Variants in AOPEP observed in about 807,000 individuals in gnomAD.
AOPEP encodes the protein aminopeptidase O (putative).
Under a neutral mutation model 98.1 loss-of-function variants are expected in AOPEP, and 77 were observed. The ratio of observed to expected loss-of-function variants is 0.78; its 90% CI spans 0.65 to 0.95. The LOEUF is 0.95. Among genes scored for constraint, AOPEP ranks in the 40% least tolerant of loss-of-function variants. AOPEP has a pLI of 0.00. For missense variants in AOPEP, 1,024 were observed against 1,024.7 expected (o/e 1.00, Z 0.01); for synonymous variants, 346 against 365.3 (o/e 0.95, Z 0.60).
At chr9:94,815,819 C>T (rs1188476782) in intron 5 of AOPEP, among the ~76,000 whole-genome samples, 3 of 152,130 alleles carry the variant, frequency 2.0e-5, no homozygotes, top group Non-Finnish European at 2.9e-5. Flanking sequence ...TGCCATCTAT[C>T]CCATTGTTTG....
the AOPEP span, chr9:95,114,663 G>A: frequency 6.2e-7 from 1 of 1,614,206 alleles, no homozygotes; most frequent in Non-Finnish European, 8.5e-7. Context: ...TCTCTGAGCA[G>A]TTCAGAAATA....
At chr9:94,966,627 CAA>C (rs927099777) in intron 9 of AOPEP, among the ~76,000 whole-genome samples, 1 of 152,092 alleles carries the variant, frequency 6.6e-6, no homozygotes, top group African/African-American at 2.4e-5. Context: ...CCAAAGTATA[CAA>C]AGTATATCTT....
chr9:94,823,634 C>G lies in AOPEP; in HGVS notation c.1364+22632C>G, dbSNP rs1853770130. Among the ~76,000 whole-genome samples, 5 of 152,262 alleles carry G rather than the reference C, an allele frequency of 3.3e-5. No individual in the cohort carries two copies. The South Asian group carries it at 1.0e-3, about 32-fold the overall frequency. On this transcript the variant is annotated intron_variant, in intron 5 of 16. Coordinates refer to ENST00000375315, the MANE Select transcript of AOPEP (RefSeq NM_001193329.3). ...TCCTTCACACTTACCTTGGCTCTTC[C>G]CCGGGTTCCCACACCAGGCTGAGTG... is the stretch of plus-strand genomic sequence containing the variant.
chr9:95,126,112 T>G, the AOPEP span, among the ~76,000 whole-genome samples: 3 of 152,240 alleles, frequency 2.0e-5, no homozygotes, highest in Non-Finnish European at 2.9e-5. Context: ...AGAAGAGTTC[T>G]GTTAAGAATG....
At chr9:94,856,473 A>G (rs1297255244) in intron 5 of AOPEP, among the ~76,000 whole-genome samples, 1 of 151,984 alleles carries the variant, frequency 6.6e-6, no homozygotes, top group Non-Finnish European at 1.5e-5. Context: ...GAAAACCTGT[A>G]TCTACTAAAA....
At chr9:95,030,382 A>G (rs901545125) in intron 13 of AOPEP, among the ~76,000 whole-genome samples, 5 of 152,214 alleles carry the variant, frequency 3.3e-5, no homozygotes, top group African/African-American at 9.6e-5. Context: ...TTTTTTGGAA[A>G]GATCTGTTAT....
the AOPEP span, among the ~76,000 whole-genome samples, chr9:95,128,379 T>C: frequency 1.3e-5 from 2 of 152,234 alleles, no homozygotes; most frequent in African/African-American, 2.4e-5. Context: ...GGCAGACAGA[T>C]AAGAGCTTGG....
At chr9:94,945,079 G>A (rs1427468220) in intron 7 of AOPEP, among the ~76,000 whole-genome samples, 2 of 152,134 alleles carry the variant, frequency 1.3e-5, no homozygotes, top group Non-Finnish European at 2.9e-5. Context: ...GACCCACGGG[G>A]CCATTTCCAG....
At chr9:94,952,859 T>G (rs2058201776) in intron 7 of AOPEP, among the ~76,000 whole-genome samples, 1 of 152,256 alleles carries the variant, frequency 6.6e-6, no homozygotes, top group Non-Finnish European at 1.5e-5. Context: ...TCTTGAGCAC[T>G]TCTTCATTTG....
At position 95,005,633 on chromosome 9, in the gene AOPEP, C is replaced by G; in HGVS notation, c.2115+17C>G. The stretch of plus-strand genomic sequence containing the variant: ...TTTGAAAAGGTAGGGGTTCCCGAGA[C>G]GGTACTCGGTGCAGGTCTTGGTAAA... On this transcript the variant is annotated intron_variant, in intron 13 of 16. Transcript: ENST00000375315. 9 of 1,609,120 alleles carry G rather than the reference C, an allele frequency of 5.6e-6. No individual in the cohort carries two copies. Among genetic ancestry groups the G allele is most frequent in the Non-Finnish European group, 7.7e-6 (9 of 1,175,532 alleles).
At chr9:94,736,779 C>CCTTT (rs1160910) in intron 1 of AOPEP, among the ~76,000 whole-genome samples, 33,026 of 151,984 alleles carry the variant, frequency 0.22, 5,028 homozygotes, top group African/African-American at 0.43. Flanking sequence ...GAATTAAGGT[C>CCTTT]CTTTTTGCAT....
chr9:95,046,601 G>A (rs2065887260), intron 13 of AOPEP, among the ~76,000 whole-genome samples: 1 of 152,296 alleles, frequency 6.6e-6, no homozygotes, highest in South Asian at 2.1e-4. Context: ...TGCTGTACAC[G>A]AAGAGATCGA....
At chr9:94,872,117 G>T (rs888655863) in intron 5 of AOPEP, among the ~76,000 whole-genome samples, 1 of 152,128 alleles carries the variant, frequency 6.6e-6, no homozygotes, top group Non-Finnish European at 1.5e-5. Flanking sequence ...TAGAATTTCC[G>T]TGTCACTTTC....
At chr9:95,063,382 G>T (rs2067507387) in intron 14 of AOPEP, among the ~76,000 whole-genome samples, 1 of 152,178 alleles carries the variant, frequency 6.6e-6, no homozygotes, top group Admixed American at 6.5e-5. Context: ...CCCCCAGGAA[G>T]TCCATGACTG....
chr9:94,952,632 G>A (rs10512252), intron 7 of AOPEP, among the ~76,000 whole-genome samples: 6,136 of 152,210 alleles, frequency 0.04, 370 homozygotes, highest in African/African-American at 0.12. Flanking sequence ...GTCTCTCTAC[G>A]CAGACCTGGT....
At chr9:95,019,673 AATGATTCTTGGTC>A (rs2063304655) in intron 13 of AOPEP, 1 of 152,236 alleles carries the variant, frequency 6.6e-6, no homozygotes, top group African/African-American at 2.4e-5. Context: ...TTTTCTCTGA[AATGATTCTTGGTC>A]ATGTTGAGCT....
At chr9:94,921,095 G>T (rs1436062088) in intron 5 of AOPEP, 2 of 147,806 alleles carry the variant, frequency 1.4e-5, no homozygotes, top group Non-Finnish European at 1.5e-5. Context: ...AGACAAGAAA[G>T]AAACGTTTTT....
chr9:94,880,218 T>C (rs576022441), intron 5 of AOPEP, among the ~76,000 whole-genome samples: 1 of 152,310 alleles, frequency 6.6e-6, no homozygotes, highest in East Asian at 1.9e-4. Flanking sequence ...TAACGATCTG[T>C]GATGATAACA....
chr9:95,047,742 T>C (rs2065973009), intron 13 of AOPEP, among the ~76,000 whole-genome samples: 1 of 152,234 alleles, frequency 6.6e-6, no homozygotes, highest in South Asian at 2.1e-4. Context: ...GACTTTTATC[T>C]ACTGAGATTG....
Sources: allele counts gnomAD v4.1 joint callset (sites outside exome capture counted in the v4.1 genomes callset), GRCh38; gene constraint gnomAD v4.1.1; transcripts MANE v1.5; gene names NCBI Gene and HGNC (gene_info 2026-07-23, HGNC 2026-07-21).